Variants in SERPINB12 observed in about 807,000 individuals in gnomAD.
The protein encoded by SERPINB12 is serpin B12.
A neutral mutation model predicts 41.1 loss-of-function variants in SERPINB12; 57 were observed. That is an observed-to-expected ratio of 1.39 (90% CI 1.12 to 1.73). SERPINB12 has a LOEUF of 1.73. Ranked by LOEUF, SERPINB12 falls within the 40% of genes most tolerant of loss-of-function variation. SERPINB12 has a pLI of 0.00. For synonymous variants in SERPINB12, 180 were observed against 181.3 expected (o/e 0.99, Z 0.06); for missense variants, 536 against 501.9 (o/e 1.07, Z -0.65).
upstream of SERPINB12, among the ~76,000 whole-genome samples, chr18:63,537,481 G>T (rs1224096698): frequency 2.0e-5 from 3 of 152,208 alleles, no homozygotes; most frequent in Non-Finnish European, 4.4e-5. Flanking sequence ...CATACCAGGG[G>T]TAATGATAGA....
chr18:63,566,809 T>C lies in SERPINB12; in HGVS notation c.1076T>C (p.Leu359Ser), dbSNP rs370092976. The change falls in exon 8 of 8, where the codon TTG (leucine) becomes TCG (serine). Residue 359 changes from leucine to serine, a missense_variant. By Grantham distance (145) the Leu-to-Ser change is moderately radical. Transcript: ENST00000382768. The stretch of plus-strand genomic sequence containing the variant: ...ACTGGAATCTCTCCAAGTCCCAATT[T>C]GTACTTGTCAAAAATTATCCACAAA... ...DLTGISPSPN[L>S]YLSKIIHKTF... 3 of 1,613,994 alleles carry C rather than the reference T, an allele frequency of 1.9e-6. No individual in the cohort carries two copies. The highest frequency in any genetic ancestry group is 2.5e-6 in the Non-Finnish European group (3 of 1,179,990).
chr18:63,521,262 G>A, the SERPINB12 span, among the ~76,000 whole-genome samples: 1 of 152,152 alleles, frequency 6.6e-6, no homozygotes, highest in Admixed American at 6.5e-5. Flanking sequence ...GACTCCATTT[G>A]ATTCTGACAA....
intron 1 of SERPINB12, among the ~76,000 whole-genome samples, chr18:63,548,543 AC>A (rs1910442420): frequency 6.6e-6 from 1 of 152,062 alleles, no homozygotes; most frequent in East Asian, 1.9e-4. Flanking sequence ...GGAAGGTAAA[AC>A]AGGGGAAATT....
the SERPINB12 span, among the ~76,000 whole-genome samples, chr18:63,520,679 G>C: frequency 6.6e-6 from 1 of 152,182 alleles, no homozygotes; most frequent in African/African-American, 2.4e-5. Context: ...GACCACAGAG[G>C]AGAAAATGTA....
intron 1 of SERPINB12, among the ~76,000 whole-genome samples, chr18:63,546,110 T>C (rs936670291): frequency 6.6e-6 from 1 of 152,164 alleles, no homozygotes; most frequent in Non-Finnish European, 1.5e-5. Flanking sequence ...CCTTTGAATT[T>C]CTCTACACCT....
chr18:63,528,065 G>A, the SERPINB12 span, among the ~76,000 whole-genome samples: 1 of 151,990 alleles, frequency 6.6e-6, no homozygotes, highest in Non-Finnish European at 1.5e-5. Context: ...TGATTGTGAG[G>A]CCTTCCCAGC....
chr18:63,548,477 C>T (rs560258652), intron 1 of SERPINB12, among the ~76,000 whole-genome samples: 88 of 151,736 alleles, frequency 5.8e-4, no homozygotes, highest in African/African-American at 2.1e-3. Context: ...AAAATATTGA[C>T]AATTTTCAGT....
chr18:63,549,537 C>T (rs1256226214), intron 1 of SERPINB12, among the ~76,000 whole-genome samples: 1 of 118,278 alleles, frequency 8.5e-6, no homozygotes, highest in East Asian at 2.4e-4. Flanking sequence ...AAGTCACTCC[C>T]AATTAGGCTA....
chr18:63,524,517 T>C, the SERPINB12 span, among the ~76,000 whole-genome samples: 2 of 152,158 alleles, frequency 1.3e-5, no homozygotes, highest in East Asian at 1.9e-4. Flanking sequence ...CTTGAACTCC[T>C]GACCTCAAGT....
At position 63,566,777 on chromosome 18, in the gene SERPINB12, T is replaced by C; in HGVS notation, c.1044T>C (p.Ala348=). 6.2e-7 allele frequency: 1 copy of C among 1,614,190 alleles called. No homozygotes were observed. ...CGGATATCTTTGATGAAACGAGGGC[T>C]GATCTTACTGGAATCTCTCCAAGTC... ...GITDIFDETR[A]DLTGISPSPN... is the part of the protein sequence containing the mutation. Residue 348 remains alanine (A), a synonymous_variant, in exon 8 of 8, where the codon GCT becomes GCC. Coordinates refer to ENST00000382768, the MANE Select transcript of SERPINB12 (RefSeq NM_001307928.2).
intron 1 of SERPINB12, 32 bp from the exon 2 acceptor site, chr18:63,556,110 A>G: frequency 6.6e-7 from 1 of 1,505,060 alleles, no homozygotes; most frequent in Non-Finnish European, 9.1e-7. Flanking sequence ...TCCAATCACC[A>G]TTTTCTCTTT....
intron 1 of SERPINB12, among the ~76,000 whole-genome samples, chr18:63,553,522 A>T (rs1227160634): frequency 6.6e-6 from 1 of 152,210 alleles, no homozygotes; most frequent in African/African-American, 2.4e-5. Context: ...TTGAAGAGCC[A>T]GGTTGGGATC....
the SERPINB12 span, among the ~76,000 whole-genome samples, chr18:63,527,639 CT>C: frequency 1.3e-5 from 2 of 152,030 alleles, no homozygotes; most frequent in Non-Finnish European, 2.9e-5. Flanking sequence ...TAGTGGTTTT[CT>C]TTGTAGTAGC....
chr18:63,558,587 C>A, intron 3 of SERPINB12, 101 bp downstream of exon 3: 1 of 1,263,054 alleles, frequency 7.9e-7, no homozygotes, highest in Non-Finnish European at 1.1e-6. Context: ...AAATATTAGA[C>A]TCTGGATACC....
rs1181451513 is a variant in SERPINB12 at position 63,564,064 on chromosome 18, T to C, written c.649T>C (p.Trp217Arg). The change falls in exon 6 of 8, where the codon TGG becomes CGG. Residue 217 changes from tryptophan (W) to arginine (R), a missense_variant. Trp to Arg is a moderately radical substitution (Grantham distance 101, BLOSUM62 -3). Transcript: ENST00000382768. ...GAATGCTGTTTACTTCAAGGCCAAATGGGAAACATACTTTGACCATGAAAA... is the reference window on the plus strand; with the variant it reads ...GAATGCTGTTTACTTCAAGGCCAAACGGGAAACATACTTTGACCATGAAAA... ...LVNAVYFKAK[W>R]ETYFDHENTV... 1 of 1,613,924 alleles carries C rather than the reference T, an allele frequency of 6.2e-7. No homozygotes were observed. The highest frequency in any genetic ancestry group is 1.7e-5 in the Admixed American group (1 of 60,000).
chr18:63,523,533 C>T, the SERPINB12 span, among the ~76,000 whole-genome samples: 2 of 152,056 alleles, frequency 1.3e-5, no homozygotes, highest in Non-Finnish European at 2.9e-5. Flanking sequence ...TGAATGTACA[C>T]CATATGACAG....
At chr18:63,543,420 T>C (rs1910315587) in intron 1 of SERPINB12, among the ~76,000 whole-genome samples, 1 of 152,098 alleles carries the variant, frequency 6.6e-6, no homozygotes, top group African/African-American at 2.4e-5. Flanking sequence ...TAATTTAAAG[T>C]TCATTGAGTT....
the SERPINB12 span, among the ~76,000 whole-genome samples, chr18:63,521,946 A>G: frequency 6.6e-6 from 1 of 152,236 alleles, no homozygotes; most frequent in Admixed American, 6.5e-5. Flanking sequence ...AGTTCAGTCT[A>G]CAGGTAGATA....
rs1241474324 is a variant in SERPINB12, at chr18:63,565,538, T to C, written c.799T>C (p.Tyr267His). 2.5e-6 allele frequency: 4 copies of C among 1,613,972 alleles called. No homozygotes were observed. The Admixed American group carries it at 6.7e-5, about 27-fold the overall frequency. ...EVKAQILEMR[Y>H]TKGKLSMFVL... Reference sequence around the variant, plus strand: ...GAAGGCACAGATCCTGGAAATGAGGTACACCAAGGGGAAGCTCAGCATGTT... The same window carrying C: ...GAAGGCACAGATCCTGGAAATGAGGCACACCAAGGGGAAGCTCAGCATGTT... The change falls in exon 7 of 8, where the codon TAC becomes CAC. Residue 267 changes from tyrosine (Y) to histidine (H), a missense_variant. By Grantham distance (83) the Tyr-to-His change is moderately conservative (BLOSUM62 2). Transcript: ENST00000382768.
Sources: allele counts gnomAD v4.1 joint callset (sites outside exome capture counted in the v4.1 genomes callset), GRCh38; gene constraint gnomAD v4.1.1; transcripts MANE v1.5; gene names NCBI Gene and HGNC (gene_info 2026-07-23, HGNC 2026-07-21).